Variants in MAGI3 observed in about 807,000 individuals in gnomAD.
MAGI3 encodes membrane-associated guanylate kinase, WW and PDZ domain-containing protein 3.
A neutral mutation model predicts 121.8 loss-of-function variants in MAGI3; 43 were observed. The ratio of observed to expected loss-of-function variants is 0.35; its 90% CI spans 0.28 to 0.46. MAGI3 has a LOEUF of 0.46. Among genes scored for constraint, MAGI3 ranks in the 20% least tolerant of loss-of-function variants. The probability of loss-of-function intolerance (pLI) is 1.00; values close to 1 mark genes in which losing one functional copy is unlikely to be tolerated. For synonymous variants in MAGI3, 553 were observed against 639.3 expected, an observed-to-expected ratio of 0.86 and a Z score of 2.04; for missense variants, 1,547 against 1,797.3, an observed-to-expected ratio of 0.86 and a Z score of 2.52.
intron 1 of MAGI3, among the ~76,000 whole-genome samples, chr1:113,455,381 T>G (rs1458547010): frequency 6.6e-6 from 1 of 152,004 alleles, no homozygotes. Context: ...AATAGAAGAC[T>G]GTGATTATGT....
intron 15 of MAGI3, among the ~76,000 whole-genome samples, chr1:113,657,314 G>C (rs1478618799): frequency 1.3e-5 from 2 of 152,154 alleles, no homozygotes; most frequent in Non-Finnish European, 1.5e-5. Context: ...CTTTCTACTG[G>C]TCTGTTTGCT....
intron 7 of MAGI3, among the ~76,000 whole-genome samples, chr1:113,618,275 T>A (rs1482339302): frequency 6.6e-6 from 1 of 152,002 alleles, no homozygotes; most frequent in African/African-American, 2.4e-5. Context: ...AGGTTGAGGC[T>A]GCAGTGAGCT....
At chr1:113,520,243 A>C (rs988824370) in intron 1 of MAGI3, among the ~76,000 whole-genome samples, 1 of 151,942 alleles carries the variant, frequency 6.6e-6, no homozygotes, top group Non-Finnish European at 1.5e-5. Context: ...GAATATATTG[A>C]GACTTTTTTT....
intron 1 of MAGI3, among the ~76,000 whole-genome samples, chr1:113,491,665 A>G (rs1656673693): frequency 6.6e-6 from 1 of 152,028 alleles, no homozygotes; most frequent in Non-Finnish European, 1.5e-5. Flanking sequence ...GAAATAAATG[A>G]TCAGAAATGA....
At chr1:113,430,137 A>T (rs1307735466) in intron 1 of MAGI3, among the ~76,000 whole-genome samples, 1 of 152,194 alleles carries the variant, frequency 6.6e-6, no homozygotes, top group Non-Finnish European at 1.5e-5. Context: ...AGTAAGGGGA[A>T]AAAAAGTGAA....
chr1:113,530,176 A>G (rs376249022), intron 1 of MAGI3, among the ~76,000 whole-genome samples: 2 of 152,120 alleles, frequency 1.3e-5, no homozygotes, highest in East Asian at 3.8e-4. Context: ...TTTTTGAGTA[A>G]TGACCATAGC....
In MAGI3 at chr1:113,653,865, A is replaced by G. The variant is rs1450786114; in HGVS notation, c.2476A>G (p.Ile826Val). Residue 826 changes from isoleucine (I) to valine (V), a missense_variant, in exon 15 of 21, where the codon ATT (isoleucine) becomes GTT (valine). By Grantham distance (29) the Ile-to-Val change is conservative. Coordinates refer to ENST00000307546, the MANE Select transcript of MAGI3 (RefSeq NM_001142782.2). ...QPEDDSSQAF[I>V]STQNGSPRLN... ...CGAGGACGACAGCTCTCAGGCCTTC[A>G]TTTCAACACAGAATGGATCTCCCCG... 6.2e-7 allele frequency: 1 copy of G among 1,610,552 alleles called. No homozygotes were observed. Among genetic ancestry groups the G allele is most frequent in the East Asian group, 2.2e-5 (1 of 44,706 alleles).
chr1:113,621,200 G>A (rs1251997548), intron 8 of MAGI3, among the ~76,000 whole-genome samples: 1 of 152,228 alleles, frequency 6.6e-6, no homozygotes, highest in South Asian at 2.1e-4. Context: ...ACAGAAGCAT[G>A]AAATGGTGTG....
intron 16 of MAGI3, among the ~76,000 whole-genome samples, chr1:113,661,519 TG>T (rs1653783164): frequency 6.6e-6 from 1 of 152,246 alleles, no homozygotes; most frequent in Admixed American, 6.5e-5. Context: ...TGGGTAGCCT[TG>T]GGATAGATTG....
At chr1:113,517,489 G>A (rs1253557573) in intron 1 of MAGI3, among the ~76,000 whole-genome samples, 1 of 151,872 alleles carries the variant, frequency 6.6e-6, no homozygotes, top group Non-Finnish European at 1.5e-5. Flanking sequence ...TAACATTAAT[G>A]GAAATGCCTA....
intron 1 of MAGI3, among the ~76,000 whole-genome samples, chr1:113,402,658 A>C (rs1651467477): frequency 6.6e-6 from 1 of 151,992 alleles, no homozygotes; most frequent in African/African-American, 2.4e-5. Context: ...GGGGGAAGAT[A>C]AATTTTAGGG....
intron 1 of MAGI3, among the ~76,000 whole-genome samples, chr1:113,471,399 A>G (rs1177112755): frequency 6.6e-6 from 1 of 152,192 alleles, no homozygotes; most frequent in Non-Finnish European, 1.5e-5. Flanking sequence ...AATCAAAATG[A>G]AAATTTTTAA....
chr1:113,601,256 A>G (rs1649359730), intron 6 of MAGI3, among the ~76,000 whole-genome samples: 1 of 152,200 alleles, frequency 6.6e-6, no homozygotes, highest in African/African-American at 2.4e-5. Flanking sequence ...CTGCACAGCA[A>G]AAGAAACTAC....
At chr1:113,395,602 C>A (rs771097794) in intron 1 of MAGI3, among the ~76,000 whole-genome samples, 3 of 151,450 alleles carry the variant, frequency 2.0e-5, no homozygotes, top group Non-Finnish European at 4.4e-5. Flanking sequence ...AGTACTATAT[C>A]CAAATATCTC....
At chr1:113,451,199 G>A (rs549479489) in intron 1 of MAGI3, among the ~76,000 whole-genome samples, 78 of 152,116 alleles carry the variant, frequency 5.1e-4, no homozygotes, top group Non-Finnish European at 9.4e-4. Context: ...TACTCCGTTT[G>A]TTATCAGGAT....
chr1:113,629,323 C>T (rs1403211629), intron 9 of MAGI3, among the ~76,000 whole-genome samples: 1 of 152,136 alleles, frequency 6.6e-6, no homozygotes, highest in African/African-American at 2.4e-5. Flanking sequence ...TGCATTTCTT[C>T]TCTCTGTTAT....
chr1:113,450,932 CCA>C (rs1328911082), intron 1 of MAGI3, among the ~76,000 whole-genome samples: 1 of 152,116 alleles, frequency 6.6e-6, no homozygotes, highest in Non-Finnish European at 1.5e-5. Flanking sequence ...ACTGTCATAG[CCA>C]CAGTTTGCAA....
At chr1:113,404,284 G>T (rs1651560699) in intron 1 of MAGI3, 1 of 152,104 alleles carries the variant, frequency 6.6e-6, no homozygotes, top group Non-Finnish European at 1.5e-5. Context: ...AAAAAGGAAA[G>T]AATTTCCAAT....
At chr1:113,647,078 G>C (rs1373699955) in intron 12 of MAGI3, among the ~76,000 whole-genome samples, 1 of 152,176 alleles carries the variant, frequency 6.6e-6, no homozygotes, top group Non-Finnish European at 1.5e-5. Flanking sequence ...GGAAGTGTCA[G>C]GAAAAGCTTC....
Sources: allele counts gnomAD v4.1 joint callset (sites outside exome capture counted in the v4.1 genomes callset), GRCh38; gene constraint gnomAD v4.1.1; transcripts MANE v1.5; gene names NCBI Gene and HGNC (gene_info 2026-07-23, HGNC 2026-07-21).